The following ABCA6 variants were observed in gnomAD, a reference collection of about 807,000 sequenced individuals.
ABCA6 encodes the protein ATP binding cassette subfamily A member 6.
Under a neutral mutation model 191.2 loss-of-function variants are expected in ABCA6, and 164 were observed. The observed-to-expected ratio is 0.86, with a 90% CI of 0.76 to 0.98. The LOEUF is 0.98. Ranked by LOEUF, ABCA6 falls within the 50% of genes least tolerant of loss-of-function variation. ABCA6 has a pLI of 0.00. For synonymous variants in ABCA6, 636 were observed against 647.7 expected, an observed-to-expected ratio of 0.98 and a Z score of 0.27; for missense variants, 1,958 against 1,894.1, an observed-to-expected ratio of 1.03 and a Z score of -0.63.
intron 18 of ABCA6, among the ~76,000 whole-genome samples, chr17:69,107,104 A>T (rs2073323663): frequency 6.6e-6 from 1 of 152,200 alleles, no homozygotes; most frequent in South Asian, 2.1e-4. Context: ...TACATCTGTG[A>T]TTGGGGAAAA....
Position 69,105,514 on chromosome 17 carries a change from A to G in ABCA6, c.2688T>C (p.Pro896=), listed in dbSNP as rs1031796020. The stretch of plus-strand genomic sequence containing the variant: ...TACGGGGTTCCTGGGGAAGTTGTCC[A>G]GGAGAGAGAAAATACAATTCGTTTT... ...EFKNELYFLS[P]GQLPQEPRTS... is the part of the protein sequence containing the mutation. The change falls in exon 20 of 39, where the codon CCT becomes CCC. Residue 896 remains proline, a synonymous_variant. Transcript: ENST00000284425. 1.9e-6 allele frequency: 3 copies of G among 1,611,566 alleles called. No individual in the cohort carries two copies. In the African/African-American group the frequency reaches 4.0e-5, roughly 22 times the overall value.
intron 10 of ABCA6, among the ~76,000 whole-genome samples, chr17:69,119,716 G>T (rs142103664): frequency 6.6e-6 from 1 of 151,730 alleles, no homozygotes; most frequent in African/African-American, 2.4e-5. Flanking sequence ...TTTTCTGCTG[G>T]GTGTGTCATA....
At chr17:69,112,474 TAAAA>T in intron 15 of ABCA6, 1 of 479,504 alleles carries the variant, frequency 2.1e-6, no homozygotes, top group Non-Finnish European at 3.7e-6. Flanking sequence ...TATTCAGCCA[TAAAA>T]GAGAATGAAA....
At position 69,100,988 on chromosome 17, in the gene ABCA6, GCAAGGT is replaced by G. The variant is rs201366324; in HGVS notation, c.2875-60_2875-55del. 2,402 of 1,449,584 alleles carry G rather than the reference GCAAGGT, an allele frequency of 1.7e-3. 33 individuals are homozygous for G. In the African/African-American group the frequency reaches 0.03, roughly 18 times the overall value. 89.8% of individuals were successfully genotyped at this position (1,449,584 alleles called of 1,614,324 possible). A position where few individuals can be genotyped will look rare whatever the true frequency, so the allele number is the denominator to read the frequency against. On this transcript the variant is annotated intron_variant, in intron 21 of 38. Coordinates refer to ENST00000284425, the MANE Select transcript of ABCA6 (RefSeq NM_080284.3). Reference sequence around the variant, plus strand: ...AATGCTAAATTCTTAAAGAACAAAGGCAAGGTTTATGTATAAAAGATCCTAACAGTG... The same window carrying G: ...AATGCTAAATTCTTAAAGAACAAAGGTTATGTATAAAAGATCCTAACAGTG...
intron 10 of ABCA6, among the ~76,000 whole-genome samples, chr17:69,121,123 T>C (rs1196338029): frequency 6.6e-6 from 1 of 152,070 alleles, no homozygotes; most frequent in Non-Finnish European, 1.5e-5. Context: ...GCTTAGTGCC[T>C]TTTATATTCA....
intron 2 of ABCA6, among the ~76,000 whole-genome samples, chr17:69,140,325 CT>C (rs1598072682): frequency 6.6e-6 from 1 of 152,056 alleles, no homozygotes; most frequent in East Asian, 1.9e-4. Context: ...TTTTTTTGTA[CT>C]TCTTGGCTCT....
At position 69,089,480 on chromosome 17, in the gene ABCA6, A is replaced by C; in HGVS notation, c.3591T>G (p.Phe1197Leu). Reference sequence around the variant, plus strand: ...CCCTTCTTACTATGAAGCAGACTAGAAAATCAGTGGCACTCAATTCAAAAT... The same window carrying C: ...CCCTTCTTACTATGAAGCAGACTAGCAAATCAGTGGCACTCAATTCAAAAT... ...EANFELSATD[F>L]LVCFIPYFQT... Residue 1197 changes from phenylalanine to leucine, a missense_variant, in exon 27 of 39, where the codon TTT (phenylalanine) becomes TTG (leucine). Physicochemically the swap from Phe to Leu is conservative, Grantham distance 22. Transcript: ENST00000284425. 1 of 1,613,796 alleles carries C rather than the reference A, an allele frequency of 6.2e-7. No individual in the cohort carries two copies. The highest frequency in any genetic ancestry group is 8.5e-7 in the Non-Finnish European group (1 of 1,179,910).
intron 1 of ABCA6, among the ~76,000 whole-genome samples, chr17:69,141,488 A>G (rs2144733295): frequency 6.6e-6 from 1 of 152,232 alleles, no homozygotes; most frequent in Admixed American, 6.6e-5. Flanking sequence ...CCTCAAAATG[A>G]AATTCTTTCA....
chr17:69,106,020 C>T lies in ABCA6; in HGVS notation c.2573+8G>A. On this transcript the variant is annotated splice_region_variant and intron_variant, in intron 19 of 38. Coordinates refer to ENST00000284425, the MANE Select transcript of ABCA6 (RefSeq NM_080284.3). ...GATCTAACAAAACCACAGTACTCTC[C>T]TACTCACAGGGTCAATAACACTTTA... The T allele has an allele frequency of 6.2e-7, 1 of 1,601,822 alleles. No homozygotes were observed.
intron 10 of ABCA6, among the ~76,000 whole-genome samples, chr17:69,118,392 T>G (rs1021870047): frequency 2.0e-5 from 3 of 152,064 alleles, no homozygotes; most frequent in African/African-American, 7.2e-5. Flanking sequence ...TAGTTCCTCT[T>G]TGAACTCACC....
chr17:69,114,308 G>T (rs913841735), intron 13 of ABCA6, among the ~76,000 whole-genome samples: 15 of 150,186 alleles, frequency 1.0e-4, no homozygotes, highest in African/African-American at 3.4e-4. Flanking sequence ...GCAAACTATC[G>T]CAAGGACAAA....
At chr17:69,134,886 G>GTATTTTTTTTTTTT in intron 4 of ABCA6, 144 bp from the exon 5 acceptor site, 1 of 127,064 alleles carries the variant, frequency 7.9e-6, no homozygotes, top group Non-Finnish European at 1.2e-5. Context: ...TGTTGTGGTT[G>GTATTTTTTTTTTTT]TCTTTTTTTT....
chr17:69,140,159 G>C (rs1391418620), intron 2 of ABCA6, among the ~76,000 whole-genome samples: 1 of 151,542 alleles, frequency 6.6e-6, no homozygotes, highest in African/African-American at 2.4e-5. Flanking sequence ...CTGAGATTTG[G>C]GCTAGTCATC....
intron 17 of ABCA6, chr17:69,108,681 C>G (rs1378237613): frequency 6.6e-6 from 1 of 152,120 alleles, no homozygotes; most frequent in Non-Finnish European, 1.5e-5. Flanking sequence ...ATGCTACTTT[C>G]TAGTTTGGGT....
In ABCA6 at chr17:69,102,872, G is replaced by A. The variant is rs1217610013; in HGVS notation, c.2837C>T (p.Ser946Leu). The A allele has an allele frequency of 1.9e-6, 3 of 1,598,960 alleles. No individual in the cohort carries two copies. The highest frequency in any genetic ancestry group is 2.6e-6 in the Non-Finnish European group (3 of 1,175,498). Residue 946 changes from serine to leucine, a missense_variant, in exon 21 of 39, where the codon TCA (serine) becomes TTA (leucine). Transcript: ENST00000284425. ...AGAAACTATGATAGCTCCATTGTAT[G>A]AGAGGCCATCAGTACCATTTCTGTT... ...FENRNGTDGL[S>L]YNGAIIVSGK... is the part of the protein sequence containing the mutation.
chr17:69,126,099 A>C (rs1469399497), intron 8 of ABCA6, among the ~76,000 whole-genome samples: 1 of 152,122 alleles, frequency 6.6e-6, no homozygotes, highest in East Asian at 1.9e-4. Flanking sequence ...TGCGATGGGA[A>C]AAATATAAGC....
At chr17:69,098,353 C>T (rs954906441) in intron 22 of ABCA6, 9 of 234,760 alleles carry the variant, frequency 3.8e-5, no homozygotes, top group Non-Finnish European at 7.3e-5. Flanking sequence ...AATGGATTAA[C>T]AAAATGTGTA....
chr17:69,121,754 T>C (rs550543614), intron 10 of ABCA6, among the ~76,000 whole-genome samples: 30 of 151,974 alleles, frequency 2.0e-4, no homozygotes, highest in Admixed American at 3.3e-4. Context: ...TTTTTATAAT[T>C]TGAATAATAA....
At chr17:69,134,567 T>A in intron 5 of ABCA6, 72 bp downstream of exon 5, 1 of 1,090,238 alleles carries the variant, frequency 9.2e-7, no homozygotes, top group Non-Finnish European at 1.4e-6. Flanking sequence ...GACAATTATC[T>A]TTCATCAAAA....
Sources: gnomAD v4.1 joint callset for allele counts (sites outside exome capture counted in the v4.1 genomes callset) on GRCh38, gnomAD v4.1.1 for gene constraint, MANE v1.5 for transcripts, NCBI Gene and HGNC (gene_info 2026-07-23, HGNC 2026-07-21) for gene names.